Variants in MAPK10 observed in about 807,000 individuals in gnomAD.
MAPK10 encodes the protein JNK3 alpha protein kinase.
Under a neutral mutation model 59.3 loss-of-function variants are expected in MAPK10, and 25 were observed. That is an observed-to-expected ratio of 0.42 (90% CI 0.31 to 0.59). MAPK10 has a LOEUF of 0.59. MAPK10 is among the 20% of genes least tolerant of loss of function. The pLI is 0.15. For synonymous variants in MAPK10, 190 were observed against 200.5 expected (o/e 0.95, Z 0.44); for missense variants, 351 against 568.9 (o/e 0.62, Z 3.90).
In MAPK10 at chr4:86,480,325, C is replaced by T. The variant is rs185142307; in HGVS notation, c.-263+113585G>A. On this transcript the variant is annotated intron_variant, in intron 1 of 4. Transcript: ENST00000502302. Reference sequence around the variant, plus strand: ...CCCACTGAGCACCCTGTGACCCCCCCACTCCTGCCCGCCAGAGAACAACTG... The same window carrying T: ...CCCACTGAGCACCCTGTGACCCCCCTACTCCTGCCCGCCAGAGAACAACTG... Among the ~76,000 whole-genome samples, 5 of 151,618 alleles carry T rather than the reference C, an allele frequency of 3.3e-5. No homozygotes were observed. The South Asian group carries it at 8.3e-4, about 25-fold the overall frequency.
chr4:86,354,006 T>C (rs1276317673), intron 2 of MAPK10, among the ~76,000 whole-genome samples: 1 of 152,182 alleles, frequency 6.6e-6, no homozygotes, highest in Non-Finnish European at 1.5e-5. Context: ...ATTTTTAACA[T>C]TGCTTTGTTA....
chr4:86,291,823 T>C (rs775109509), intron 2 of MAPK10, among the ~76,000 whole-genome samples: 2 of 152,184 alleles, frequency 1.3e-5, no homozygotes, highest in African/African-American at 4.8e-5. Flanking sequence ...ATGCTATAAA[T>C]TCCTATAAAA....
Position 86,154,557 on chromosome 4 carries a change from A to T in MAPK10, c.236+4741T>A, listed in dbSNP as rs1228900370. On this transcript the variant is annotated intron_variant, in intron 4 of 13. Transcript: ENST00000641462. Reference sequence around the variant, plus strand: ...TGACCTTTACAATTTTCCATTGTTAAGAAAAAGTATCATAAGCCTTCCTTT... The same window carrying T: ...TGACCTTTACAATTTTCCATTGTTATGAAAAAGTATCATAAGCCTTCCTTT... 7.2e-5 allele frequency among the ~76,000 whole-genome samples: 11 copies of T among 152,116 alleles called. 1 individual carries two copies. The highest frequency in any genetic ancestry group is 7.2e-4 in the Admixed American group (11 of 15,266).
chr4:86,178,624 G>A (rs2076213622), intron 3 of MAPK10, among the ~76,000 whole-genome samples: 1 of 151,628 alleles, frequency 6.6e-6, no homozygotes, highest in Admixed American at 6.6e-5. Flanking sequence ...CTAAGAAGTG[G>A]AACAAGACAG....
intron 2 of MAPK10, among the ~76,000 whole-genome samples, chr4:86,230,713 C>T (rs2148663024): frequency 6.6e-6 from 1 of 152,200 alleles, no homozygotes; most frequent in Admixed American, 6.5e-5. Context: ...TTGATTTATT[C>T]CCCTTTATTT....
chr4:86,188,582 T>C (rs1285919591), intron 3 of MAPK10, among the ~76,000 whole-genome samples: 2 of 152,186 alleles, frequency 1.3e-5, no homozygotes, highest in Non-Finnish European at 2.9e-5. Flanking sequence ...TTGCCCATTT[T>C]TTGATGGGGT....
chr4:86,336,784 C>CTTTTTTTT (rs70948788), intron 2 of MAPK10, among the ~76,000 whole-genome samples: 6 of 83,066 alleles, frequency 7.2e-5, no homozygotes, highest in African/African-American at 1.5e-4. Context: ...GGAATGACTC[C>CTTTTTTTT]TTTTTTTTTT....
chr4:86,092,618 G>C (rs199576438), intron 9 of MAPK10, among the ~76,000 whole-genome samples: 1 of 114,152 alleles, frequency 8.8e-6, no homozygotes, highest in Non-Finnish European at 1.8e-5. Context: ...GAATATATTA[G>C]TGATATATAT....
intron 2 of MAPK10, among the ~76,000 whole-genome samples, chr4:86,262,327 C>A (rs576027852): frequency 6.6e-6 from 1 of 151,966 alleles, no homozygotes; most frequent in Non-Finnish European, 1.5e-5. Context: ...CCCTCGACCT[C>A]GGATTTCCCA....
intron 13 of MAPK10, among the ~76,000 whole-genome samples, chr4:86,020,057 C>T (rs1328334337): frequency 5.3e-5 from 8 of 152,212 alleles, no homozygotes; most frequent in Non-Finnish European, 1.0e-4. Context: ...ATTTCATCAT[C>T]CCTAAAGAAA....
intron 1 of MAPK10, among the ~76,000 whole-genome samples, chr4:86,407,125 A>C (rs1295048738): frequency 6.6e-6 from 1 of 152,198 alleles, no homozygotes; most frequent in East Asian, 1.9e-4. Flanking sequence ...GGTAAGCTTA[A>C]GTTATTGCTA....
chr4:86,252,455 T>A (rs1470961857), intron 2 of MAPK10, among the ~76,000 whole-genome samples: 11 of 132,020 alleles, frequency 8.3e-5, no homozygotes, highest in Non-Finnish European at 1.4e-4. Flanking sequence ...CTTGTTTTTC[T>A]CAGGTTTGTC....
At chr4:86,195,269 G>A (rs929830934) in intron 2 of MAPK10, among the ~76,000 whole-genome samples, 12 of 152,116 alleles carry the variant, frequency 7.9e-5, no homozygotes, top group African/African-American at 1.2e-4. Flanking sequence ...TGTGCAAAAC[G>A]CACAATACTG....
At chr4:86,173,415 C>A (rs2074880618) in intron 3 of MAPK10, among the ~76,000 whole-genome samples, 1 of 152,072 alleles carries the variant, frequency 6.6e-6, no homozygotes, top group African/African-American at 2.4e-5. Flanking sequence ...ACTCACTAGC[C>A]ATATGCAGAA....
At chr4:86,041,173 G>A (rs1442158173) in intron 11 of MAPK10, among the ~76,000 whole-genome samples, 1 of 151,944 alleles carries the variant, frequency 6.6e-6, no homozygotes. Flanking sequence ...ACAATAATGT[G>A]TTAAGGCATC....
Position 86,352,746 on chromosome 4 carries a change from A to T in MAPK10, c.-7+1784T>A, listed in dbSNP as rs892204695. On this transcript the variant is annotated intron_variant, in intron 2 of 13. Transcript: ENST00000641462. ...GATTTATAATTATTCTTTAACCAGT[A>T]TTTGTTTTATACACTCTTCTATGCG... is the stretch of plus-strand genomic sequence containing the variant. Among the ~76,000 whole-genome samples, 7 of 152,284 alleles carry T rather than the reference A, an allele frequency of 4.6e-5. No homozygotes were observed. In the South Asian group the frequency reaches 1.0e-3, roughly 23 times the overall value.
At chr4:86,591,681 T>A (rs1177457313) in intron 1 of MAPK10, among the ~76,000 whole-genome samples, 1 of 152,192 alleles carries the variant, frequency 6.6e-6, no homozygotes, top group African/African-American at 2.4e-5. Context: ...ACCCCCCGTA[T>A]GTTAATTTTA....
At chr4:86,344,208 C>T (rs1273485076) in intron 2 of MAPK10, among the ~76,000 whole-genome samples, 1 of 152,146 alleles carries the variant, frequency 6.6e-6, no homozygotes, top group Non-Finnish European at 1.5e-5. Flanking sequence ...GTCACTGCAG[C>T]CTCAACCTCC....
chr4:86,368,696 T>C (rs1028389531), intron 1 of MAPK10, among the ~76,000 whole-genome samples: 1 of 152,204 alleles, frequency 6.6e-6, no homozygotes, highest in African/African-American at 2.4e-5. Flanking sequence ...TGTCCCTTTG[T>C]GGTTAAACGT....
Sources: allele counts gnomAD v4.1 joint callset (sites outside exome capture counted in the v4.1 genomes callset), GRCh38; gene constraint gnomAD v4.1.1; transcripts MANE v1.5; gene names NCBI Gene and HGNC (gene_info 2026-07-23, HGNC 2026-07-21).